CTNNA3: variants seen among roughly 807,000 people sequenced by gnomAD.
CTNNA3 encodes the protein catenin alpha-3.
Under a neutral mutation model 95.7 loss-of-function variants are expected in CTNNA3, and 76 were observed. The observed-to-expected ratio is 0.79, with a 90% CI of 0.66 to 0.96. The LOEUF (loss-of-function observed/expected upper bound fraction) is 0.96. Among genes scored for constraint, CTNNA3 ranks in the 40% least tolerant of loss-of-function variants. The pLI, the probability that CTNNA3 is intolerant of heterozygous loss-of-function variation, is 0.00. For synonymous variants in CTNNA3, 431 were observed against 374.4 expected (o/e 1.15, Z -1.74); for missense variants, 1,191 against 1,089.8 (o/e 1.09, Z -1.31).
rs190932716 is a variant in CTNNA3, at chr10:66,884,262, T to G, written c.1048-108738A>C. Among the ~76,000 whole-genome samples, 473 of 152,204 alleles carry G rather than the reference T, an allele frequency of 3.1e-3. 7 individuals carry two copies. The highest frequency in any genetic ancestry group is 2.5e-3 in the East Asian group (13 of 5,168). ...TAAAGGGGAAAAAACACCGAAACCATAGCAGGTGGTTTTAAAATATGCACA... is the reference window on the plus strand; with the variant it reads ...TAAAGGGGAAAAAACACCGAAACCAGAGCAGGTGGTTTTAAAATATGCACA... On this transcript the variant is annotated intron_variant, in intron 7 of 17. Coordinates refer to ENST00000433211, the MANE Select transcript of CTNNA3 (RefSeq NM_013266.4).
intron 17 of CTNNA3, among the ~76,000 whole-genome samples, chr10:65,927,501 G>A (rs2077185179): frequency 6.6e-6 from 1 of 152,122 alleles, no homozygotes; most frequent in Admixed American, 6.5e-5. Context: ...CTGCTATAGA[G>A]CACCACAGAT....
At chr10:66,415,956 G>C (rs566327092) in intron 11 of CTNNA3, among the ~76,000 whole-genome samples, 1 of 152,130 alleles carries the variant, frequency 6.6e-6, no homozygotes, top group Non-Finnish European at 1.5e-5. Context: ...ATATATGACA[G>C]CTCCAAAGGA....
chr10:66,293,528 T>C (rs1040317396), intron 12 of CTNNA3, among the ~76,000 whole-genome samples: 1 of 152,168 alleles, frequency 6.6e-6, no homozygotes, highest in African/African-American at 2.4e-5. Context: ...TAATGGCCTT[T>C]AGAAAATTCC....
At chr10:66,026,044 T>A (rs2079327026) in intron 15 of CTNNA3, among the ~76,000 whole-genome samples, 1 of 152,212 alleles carries the variant, frequency 6.6e-6, no homozygotes, top group African/African-American at 2.4e-5. Context: ...TCACCTGTTT[T>A]GAATTTTTGA....
intron 5 of CTNNA3, 143 bp downstream of exon 5, chr10:67,521,699 C>A: frequency 1.0e-6 from 1 of 1,002,182 alleles, no homozygotes; most frequent in East Asian, 2.5e-5. Flanking sequence ...CATATGAACA[C>A]AGCAGATCAG....
chr10:66,978,508 T>C (rs1398800969), intron 7 of CTNNA3, among the ~76,000 whole-genome samples: 86 of 79,764 alleles, frequency 1.1e-3, no homozygotes, highest in Admixed American at 4.8e-3. Context: ...GCCTGGATGA[T>C]AGAGTGAGAC....
intron 1 of CTNNA3, among the ~76,000 whole-genome samples, chr10:67,720,254 A>C (rs1016672001): frequency 6.7e-6 from 1 of 148,950 alleles, no homozygotes; most frequent in African/African-American, 2.5e-5. Context: ...AGGTGTATTC[A>C]CACTGATTGG....
At chr10:66,911,865 A>T (rs749141127) in intron 7 of CTNNA3, among the ~76,000 whole-genome samples, 4 of 152,210 alleles carry the variant, frequency 2.6e-5, no homozygotes, top group Non-Finnish European at 5.9e-5. Context: ...GAAAATATAT[A>T]AAGCCTAAGA....
intron 7 of CTNNA3, among the ~76,000 whole-genome samples, chr10:67,056,091 G>A (rs77084846): frequency 0.035 from 5,375 of 152,124 alleles, 284 homozygotes; most frequent in African/African-American, 0.11. Context: ...ACAATGTCAC[G>A]TTTTTATGTC....
intron 15 of CTNNA3, among the ~76,000 whole-genome samples, chr10:66,046,222 T>C (rs1262636176): frequency 1.3e-5 from 2 of 152,128 alleles, no homozygotes; most frequent in African/African-American, 4.8e-5. Flanking sequence ...CAGGAAACCA[T>C]GCTTCTGCAC....
chr10:66,051,163 CT>C (rs1413164586), intron 15 of CTNNA3, among the ~76,000 whole-genome samples: 3 of 152,204 alleles, frequency 2.0e-5, no homozygotes, highest in African/African-American at 7.2e-5. Flanking sequence ...GCCTGAGCCA[CT>C]GCACCCAACC....
intron 15 of CTNNA3, among the ~76,000 whole-genome samples, chr10:66,014,668 A>T (rs886211906): frequency 1.3e-5 from 2 of 152,182 alleles, no homozygotes; most frequent in East Asian, 3.9e-4. Context: ...AGGCCAATGT[A>T]GCTACTGAGT....
intron 5 of CTNNA3, among the ~76,000 whole-genome samples, chr10:67,278,123 C>A (rs1285550166): frequency 6.6e-6 from 1 of 152,046 alleles, no homozygotes; most frequent in East Asian, 1.9e-4. Flanking sequence ...TTTCCAGGAA[C>A]AGGAGAACAA....
At chr10:66,328,690 T>C (rs891770017) in intron 12 of CTNNA3, among the ~76,000 whole-genome samples, 5 of 151,218 alleles carry the variant, frequency 3.3e-5, no homozygotes, top group African/African-American at 1.2e-4. Context: ...CCCATGCAAT[T>C]ATGGAGGCTG....
intron 5 of CTNNA3, among the ~76,000 whole-genome samples, chr10:67,432,884 G>A (rs1203049114): frequency 6.6e-6 from 1 of 151,928 alleles, no homozygotes; most frequent in Non-Finnish European, 1.5e-5. Context: ...TTGGCATCAG[G>A]GTGATGCTGA....
At chr10:67,609,090 C>CAA (rs397977100) in intron 2 of CTNNA3, among the ~76,000 whole-genome samples, 2,206 of 79,572 alleles carry the variant, frequency 0.028, 152 homozygotes, top group African/African-American at 0.089. Context: ...AACTCTATCT[C>CAA]AAAAAAAAAA....
chr10:67,124,352 G>GTT, intron 7 of CTNNA3, among the ~76,000 whole-genome samples: 1 of 151,420 alleles, frequency 6.6e-6, no homozygotes, highest in South Asian at 2.1e-4. Flanking sequence ...GTGTGTGTGT[G>GTT]TGTGTGTGTG....
At chr10:65,945,513 G>A (rs142661104) in intron 17 of CTNNA3, among the ~76,000 whole-genome samples, 100 of 152,230 alleles carry the variant, frequency 6.6e-4, no homozygotes, top group African/African-American at 2.3e-3. Flanking sequence ...GATGATTCTG[G>A]TGTACTAGGG....
chr10:66,219,907 T>G (rs1397806384), intron 13 of CTNNA3, among the ~76,000 whole-genome samples: 1 of 152,110 alleles, frequency 6.6e-6, no homozygotes, highest in Non-Finnish European at 1.5e-5. Context: ...GCGGCTCCTT[T>G]GAGGTCAGGA....
Sources: allele counts gnomAD v4.1 joint callset (sites outside exome capture counted in the v4.1 genomes callset), GRCh38; gene constraint gnomAD v4.1.1; transcripts MANE v1.5; gene names NCBI Gene and HGNC (gene_info 2026-07-23, HGNC 2026-07-21).